The following PAXBP1 variants were observed in gnomAD, a reference collection of about 807,000 sequenced individuals.
PAXBP1 encodes the protein PAX3- and PAX7-binding protein 1.
PAXBP1 carries 44 observed loss-of-function variants against 119.9 expected under a neutral mutation model. The observed-to-expected ratio is 0.37, with a 90% CI of 0.29 to 0.47. PAXBP1 has a LOEUF of 0.47. PAXBP1 is among the 20% of genes least tolerant of loss of function. The pLI, the probability that PAXBP1 is intolerant of heterozygous loss-of-function variation, is 0.99. For synonymous variants in PAXBP1, 393 were observed against 406.6 expected (o/e 0.97, Z 0.40); for missense variants, 898 against 1,134.1 (o/e 0.79, Z 2.99).
At chr21:32,758,041 G>A (rs1216676391) in intron 7 of PAXBP1, among the ~76,000 whole-genome samples, 1 of 152,220 alleles carries the variant, frequency 6.6e-6, no homozygotes, top group Non-Finnish European at 1.5e-5. Context: ...AGGACATGGT[G>A]AATGTTATCT....
At chr21:32,755,171 G>C in intron 8 of PAXBP1, 59 bp downstream of exon 8, 1 of 1,499,582 alleles carries the variant, frequency 6.7e-7, no homozygotes, top group Non-Finnish European at 8.9e-7. Flanking sequence ...TTTCAATTAG[G>C]CTGCACTAAG....
At chr21:32,762,532 T>C (rs544311217) in intron 3 of PAXBP1, among the ~76,000 whole-genome samples, 15 of 152,006 alleles carry the variant, frequency 9.9e-5, no homozygotes, top group Non-Finnish European at 2.2e-4. Context: ...GAACATATAA[T>C]GGTAATATAT....
In PAXBP1 at chr21:32,735,087, C is replaced by G. The variant is rs1382769095; in HGVS notation, c.2637-20G>C. On this transcript the variant is annotated intron_variant, in intron 17 of 17. Coordinates refer to ENST00000331923, the MANE Select transcript of PAXBP1 (RefSeq NM_016631.4). ...TTTTCCCTAAAAGAAAAAAATATAGCAGCATCTCATTAATTAGTATATCTA... is the reference window on the plus strand; with the variant it reads ...TTTTCCCTAAAAGAAAAAAATATAGGAGCATCTCATTAATTAGTATATCTA... The G allele has an allele frequency of 6.5e-7, 1 of 1,543,064 alleles. No homozygotes were observed. The highest frequency in any genetic ancestry group is 8.9e-7 in the Non-Finnish European group (1 of 1,120,024).
chr21:32,770,363 G>C (rs1252543682), intron 1 of PAXBP1, among the ~76,000 whole-genome samples: 1 of 152,032 alleles, frequency 6.6e-6, no homozygotes, highest in African/African-American at 2.4e-5. Flanking sequence ...TGGTTTTAAA[G>C]CTAAGGTAAG....
intron 16 of PAXBP1, 52 bp from the exon 17 acceptor site, chr21:32,737,460 G>T: frequency 6.7e-7 from 1 of 1,490,700 alleles, no homozygotes; most frequent in South Asian, 1.3e-5. Flanking sequence ...ATAAATTAAA[G>T]TATTAAAAGC....
At position 32,761,055 on chromosome 21, in the gene PAXBP1, G is replaced by A. The variant is rs1048823067; in HGVS notation, c.975+4C>T. Reference sequence around the variant, plus strand: ...TAATTTTTAGTTTAATTCTTTTGTCGTACCTGAGGGATATTAATTCCTTTC... The same window carrying A: ...TAATTTTTAGTTTAATTCTTTTGTCATACCTGAGGGATATTAATTCCTTTC... On this transcript the variant is annotated splice_donor_region_variant and intron_variant, in intron 5 of 17. Transcript: ENST00000331923. 6.9e-6 allele frequency: 11 copies of A among 1,598,472 alleles called. No individual in the cohort carries two copies. The highest frequency in any genetic ancestry group is 8.5e-6 in the Non-Finnish European group (10 of 1,173,566).
At chr21:32,771,283 C>T in intron 1 of PAXBP1, 43 bp downstream of exon 1, 2 of 1,512,854 alleles carry the variant, frequency 1.3e-6, no homozygotes, top group South Asian at 1.2e-5. Flanking sequence ...GGGCCTGCGT[C>T]GGGGATGCGG....
In PAXBP1 at chr21:32,767,612, C is replaced by T. The variant is rs748977443; in HGVS notation, c.472+2202G>A. Among the ~76,000 whole-genome samples, 28 of 152,180 alleles carry T rather than the reference C, an allele frequency of 1.8e-4. 1 individual carries two copies. Among genetic ancestry groups the T allele is most frequent in the Non-Finnish European group, 1.5e-4 (10 of 68,036 alleles). On this transcript the variant is annotated intron_variant, in intron 2 of 17. Coordinates refer to ENST00000331923, the MANE Select transcript of PAXBP1 (RefSeq NM_016631.4). ...TCATGGGGGCTGGTCTTTCCCGTGCCATTCTCATGACAGTGAATAAGTCTC... is the reference window on the plus strand; with the variant it reads ...TCATGGGGGCTGGTCTTTCCCGTGCTATTCTCATGACAGTGAATAAGTCTC...
At chr21:32,743,633 A>G in intron 14 of PAXBP1, 45 bp downstream of exon 14, 2 of 1,390,142 alleles carry the variant, frequency 1.4e-6, no homozygotes, top group Non-Finnish European at 2.0e-6. Flanking sequence ...CTTCTCTGAA[A>G]CACAATGGAG....
chr21:32,771,567 C>A lies in PAXBP1; in HGVS notation c.102G>T (p.Pro34=). 7.0e-7 allele frequency: 1 copy of A among 1,427,874 alleles called. No homozygotes were observed. Among genetic ancestry groups the A allele is most frequent in the South Asian group, 1.4e-5 (1 of 72,252 alleles). The allele number at this position is 1,427,874 out of a possible 1,614,324, so 88.5% of individuals were successfully genotyped here. ...DEEQEPPPLL[P]PPGTGEEAGP... is the part of the protein sequence containing the mutation. ...CCGCCTCTTCGCCCGTGCCCGGCGG[C>A]GGCAACAACGGCGGCGGCTCCTGCT... The change falls in exon 1 of 18, where the codon CCG becomes CCT. Residue 34 remains proline, a synonymous_variant. Coordinates refer to ENST00000331923, the MANE Select transcript of PAXBP1 (RefSeq NM_016631.4).
At chr21:32,740,081 T>A (rs1445765732) in intron 15 of PAXBP1, among the ~76,000 whole-genome samples, 1 of 151,978 alleles carries the variant, frequency 6.6e-6, no homozygotes, top group East Asian at 1.9e-4. Flanking sequence ...TTGGGCCTCT[T>A]CAAGCTGGGG....
chr21:32,768,274 A>G (rs907646721), intron 2 of PAXBP1, among the ~76,000 whole-genome samples: 13 of 152,190 alleles, frequency 8.5e-5, no homozygotes, highest in Non-Finnish European at 1.6e-4. Context: ...TGCCTGTGCC[A>G]TGCTCTTGGC....
chr21:32,739,771 T>C (rs1022538040), intron 15 of PAXBP1, among the ~76,000 whole-genome samples: 2 of 149,148 alleles, frequency 1.3e-5, no homozygotes, highest in African/African-American at 2.5e-5. Context: ...CCGGGCGTGG[T>C]GGTGGGCGCC....
chr21:32,771,679 C>CGCACGGCGGTCGAATACTCGCTT lies in PAXBP1; in HGVS notation c.-34_-12dup. On this transcript the variant is annotated 5_prime_UTR_variant, in exon 1 of 18. Coordinates refer to ENST00000331923, the MANE Select transcript of PAXBP1 (RefSeq NM_016631.4). ...GGCCTTTCGGAACATCCCCGCGGCC[C>CGCACGGCGGTCGAATACTCGCTT]GCACGGCGGTCGAATACTCGCTTCC... is the stretch of plus-strand genomic sequence containing the variant. 1 of 1,394,780 alleles carries CGCACGGCGGTCGAATACTCGCTT rather than the reference C, an allele frequency of 7.2e-7. No homozygotes were observed. Among genetic ancestry groups the CGCACGGCGGTCGAATACTCGCTT allele is most frequent in the South Asian group, 1.5e-5 (1 of 65,536 alleles). The allele number at this position is 1,394,780 out of a possible 1,614,324, so 86.4% of individuals were successfully genotyped here.
At position 32,771,483 on chromosome 21, in the gene PAXBP1, C is replaced by T. The variant is rs1006769501; in HGVS notation, c.186G>A (p.Ser62=). 7.5e-6 allele frequency: 10 copies of T among 1,325,872 alleles called. No homozygotes were observed. The Admixed American group carries it at 1.2e-4, about 17-fold the overall frequency. 82.1% of individuals were successfully genotyped at this position (1,325,872 alleles called of 1,614,324 possible). ...GGCCCGGGGTCAGCGCGGAAGGCGGCGACGGCCCCGGGCCCAGCAGCGACT... is the reference window on the plus strand; with the variant it reads ...GGCCCGGGGTCAGCGCGGAAGGCGGTGACGGCCCCGGGCCCAGCAGCGACT... ...GGESLLGPGP[S]PPSALTPGLG... is the part of the protein sequence containing the mutation. Residue 62 remains serine (S), a synonymous_variant, in exon 1 of 18, where the codon TCG becomes TCA. Coordinates refer to ENST00000331923, the MANE Select transcript of PAXBP1 (RefSeq NM_016631.4).
At chr21:32,752,443 G>A (rs560762643) in intron 8 of PAXBP1, among the ~76,000 whole-genome samples, 2 of 152,152 alleles carry the variant, frequency 1.3e-5, no homozygotes, top group Non-Finnish European at 2.9e-5. Context: ...CAACCCAAAC[G>A]ACTGGGTGAG....
rs772692096 is a variant in PAXBP1, at chr21:32,761,148, C to T, written c.886G>A (p.Asp296Asn). The T allele has an allele frequency of 6.2e-7, 1 of 1,613,828 alleles. No individual in the cohort carries two copies. Among genetic ancestry groups the T allele is most frequent in the Non-Finnish European group, 8.5e-7 (1 of 1,179,846 alleles). The change falls in exon 5 of 18, where the codon GAT becomes AAT. Residue 296 changes from aspartate (D) to asparagine (N), a missense_variant. Asp to Asn is a conservative substitution (Grantham distance 23). This residue lies in a region of PAXBP1 where 599 missense variants were observed against 852.7 expected (regional missense o/e 0.70). Transcript: ENST00000331923. ...IAEEIGIEGS[D>N]DDALVTGEQD... is the part of the protein sequence containing the mutation. ...TCTCCAGTTACTAAAGCATCATCAT[C>T]ACTCCCCTCAATTCCTACAGCCATG...
chr21:32,751,025 G>A lies in PAXBP1; in HGVS notation c.1615C>T (p.Arg539Cys), dbSNP rs2043950627. Reference protein sequence around the residue: ...IAEREARRTRRRQAREQTGKM... With the variant: ...IAEREARRTRCRQAREQTGKM... Reference sequence around the variant, plus strand: ...CCGGTTTGTTCTCTGGCTTGTCTACGACGAGTCCTAAATAATAAACATCAA... The same window carrying A: ...CCGGTTTGTTCTCTGGCTTGTCTACAACGAGTCCTAAATAATAAACATCAA... The change falls in exon 10 of 18, where the codon CGT becomes TGT. Residue 539 changes from arginine (R) to cysteine (C), a missense_variant. Transcript: ENST00000331923. 1 of 1,613,894 alleles carries A rather than the reference G, an allele frequency of 6.2e-7. No homozygotes were observed. The highest frequency in any genetic ancestry group is 8.5e-7 in the Non-Finnish European group (1 of 1,179,920).
intron 13 of PAXBP1, 126 bp from the exon 14 acceptor site, chr21:32,743,880 C>CAATTAATTTTA: frequency 1.7e-6 from 1 of 586,446 alleles, no homozygotes; most frequent in Admixed American, 3.3e-5. Flanking sequence ...TAATTTTCCT[C>CAATTAATTTTA]ATTGAAGACC....
Sources: allele counts gnomAD v4.1 joint callset (sites outside exome capture counted in the v4.1 genomes callset), GRCh38; gene constraint gnomAD v4.1.1; regional missense constraint gnomAD v4.1.1; transcripts MANE v1.5; gene names NCBI Gene and HGNC (gene_info 2026-07-23, HGNC 2026-07-21).